Variants in ZC3HAV1 observed in about 807,000 individuals in gnomAD.
ZC3HAV1 encodes zinc finger CCCH-type containing, antiviral 1, also known as zinc finger CCCH-type antiviral protein 1.
A neutral mutation model predicts 86.6 loss-of-function variants in ZC3HAV1; 41 were observed. The observed-to-expected ratio is 0.47, with a 90% confidence interval of 0.37 to 0.61. The LOEUF is 0.61. ZC3HAV1 is among the 20% of genes least tolerant of loss of function. The pLI, the probability that ZC3HAV1 is intolerant of heterozygous loss-of-function variation, is 0.00. For missense variants in ZC3HAV1, 964 were observed against 1,141.1 expected (o/e 0.84, Z 2.24); for synonymous variants, 421 against 432.1 (o/e 0.97, Z 0.32).
chr7:139,056,312 G>A (rs1441558131), intron 9 of ZC3HAV1, among the ~76,000 whole-genome samples: 1 of 151,134 alleles, frequency 6.6e-6, no homozygotes, highest in Non-Finnish European at 1.5e-5. Context: ...CAGCATGCCA[G>A]GTTAATTTTC....
intron 1 of ZC3HAV1, among the ~76,000 whole-genome samples, chr7:139,105,907 C>G (rs1817922209): frequency 6.6e-6 from 1 of 151,560 alleles, no homozygotes; most frequent in Non-Finnish European, 1.5e-5. Context: ...TTTCTAGGAC[C>G]CGAGGACAAA....
In ZC3HAV1 at chr7:139,087,925, G is replaced by C. The variant is rs1479718195; in HGVS notation, c.444+1699C>G. ...TGCATGCCTGTAGTCCCAGATACTTGGGGGGCTTAGGCAGGAGGATAACTT... is the reference window on the plus strand; with the variant it reads ...TGCATGCCTGTAGTCCCAGATACTTCGGGGGCTTAGGCAGGAGGATAACTT... On this transcript the variant is annotated intron_variant, in intron 2 of 12. Coordinates refer to ENST00000242351, the MANE Select transcript of ZC3HAV1 (RefSeq NM_020119.4). Among the ~76,000 whole-genome samples, 5 of 150,710 alleles carry C rather than the reference G, an allele frequency of 3.3e-5. No individual in the cohort carries two copies. The East Asian group carries it at 9.8e-4, about 30-fold the overall frequency.
chr7:139,083,451 G>A (rs1012651407), intron 3 of ZC3HAV1, among the ~76,000 whole-genome samples: 2 of 152,046 alleles, frequency 1.3e-5, no homozygotes, highest in Non-Finnish European at 2.9e-5. Flanking sequence ...ACAATTGGCC[G>A]GGTGCAGTGG....
intron 1 of ZC3HAV1, among the ~76,000 whole-genome samples, chr7:139,090,866 C>A (rs190396449): frequency 2.2e-4 from 33 of 152,094 alleles, no homozygotes; most frequent in Non-Finnish European, 3.2e-4. Context: ...AATAGAGAAC[C>A]AAGGACTCTG....
chr7:139,050,496 T>G (rs1000156805), intron 12 of ZC3HAV1, among the ~76,000 whole-genome samples: 4 of 151,964 alleles, frequency 2.6e-5, no homozygotes, highest in African/African-American at 9.7e-5. Flanking sequence ...GCCTCTCGAG[T>G]AGCTAGGACT....
Position 139,109,079 on chromosome 7 carries a change from G to A in ZC3HAV1, c.253C>T (p.Leu85=). 1 of 1,591,674 alleles carries A rather than the reference G, an allele frequency of 6.3e-7. No individual in the cohort carries two copies. The highest frequency in any genetic ancestry group is 8.6e-7 in the Non-Finnish European group (1 of 1,167,854). Residue 85 remains leucine (L), a synonymous_variant, in exon 1 of 13, where the codon CTG becomes TTG. Coordinates refer to ENST00000242351, the MANE Select transcript of ZC3HAV1 (RefSeq NM_020119.4). ...RKYCQRPCDN[L]HLCKLNLLGR... ...AGCAAGTTGAGTTTGCAGAGATGCA[G>A]GTTATCGCAGGGTCTCTGGCAGTAC...
Position 139,056,543 on chromosome 7 carries a change from T to TAG in ZC3HAV1, c.2097-1249_2097-1248insCT, listed in dbSNP as rs1228037774. On this transcript the variant is annotated intron_variant, in intron 9 of 12. Transcript: ENST00000242351. ...CCTCTTGAGTAGCTGGGACCACAAG[T>TAG]GTGTACCACCACACCTGTCTAACTT... Among the ~76,000 whole-genome samples the TAG allele has an allele frequency of 3.3e-5, 5 of 151,706 alleles. No homozygotes were observed. In the East Asian group the frequency reaches 9.7e-4, roughly 29 times the overall value.
Position 139,078,662 on chromosome 7 carries a change from C to T in ZC3HAV1, c.1472-9G>A. On this transcript the variant is annotated splice_polypyrimidine_tract_variant and intron_variant, in intron 4 of 12. Transcript: ENST00000242351. Reference sequence around the variant, plus strand: ...GACATCAGATAAAGAATCTATGAAACAAAAAAGGATGCATGTATGCTGATC... The same window carrying T: ...GACATCAGATAAAGAATCTATGAAATAAAAAAGGATGCATGTATGCTGATC... 1.3e-6 allele frequency: 2 copies of T among 1,551,784 alleles called. No individual in the cohort carries two copies. Among genetic ancestry groups the T allele is most frequent in the Non-Finnish European group, 8.6e-7 (1 of 1,156,490 alleles).
At chr7:139,068,148 C>A (rs1816663344) in intron 7 of ZC3HAV1, among the ~76,000 whole-genome samples, 1 of 151,604 alleles carries the variant, frequency 6.6e-6, no homozygotes, top group Non-Finnish European at 1.5e-5. Flanking sequence ...CAACCCCCAC[C>A]TCCTGGGTTC....
intron 1 of ZC3HAV1, among the ~76,000 whole-genome samples, chr7:139,091,955 CGCTCAAAGTTCTCCCCGCCCCCGAAG>C: frequency 6.6e-6 from 1 of 152,172 alleles, no homozygotes; most frequent in Non-Finnish European, 1.5e-5. Context: ...AGACGGCTAA[CGCTCAAAGTTCTCCCCGCCCCCGAAG>C]AAGGGGCTAG....
intron 4 of ZC3HAV1, 49 bp downstream of exon 4, chr7:139,079,421 A>G (rs756434605): frequency 2.5e-6 from 4 of 1,613,802 alleles, no homozygotes; most frequent in Non-Finnish European, 3.4e-6. Flanking sequence ...GCCATTTGGT[A>G]TATCATGAAC....
At chr7:139,092,001 T>C (rs1025149917) in intron 1 of ZC3HAV1, among the ~76,000 whole-genome samples, 2 of 152,176 alleles carry the variant, frequency 1.3e-5, no homozygotes, top group Non-Finnish European at 2.9e-5. Context: ...GATTTTCTTT[T>C]ATACTTTGGT....
rs532548397 is a variant in ZC3HAV1 at position 139,078,166 on chromosome 7, G to C, written c.1573+386C>G. Among the ~76,000 whole-genome samples, 10 of 152,310 alleles carry C rather than the reference G, an allele frequency of 6.6e-5. No homozygotes were observed. The South Asian group carries it at 2.1e-3, about 32-fold the overall frequency. ...AGGCAGGAGAATCACTTGAACCCAG[G>C]GGGCAGAGGTTGCAGTGAGCTGAGA... On this transcript the variant is annotated intron_variant, in intron 5 of 12. Transcript: ENST00000242351.
At chr7:139,049,375 G>C (rs1816058107) in intron 12 of ZC3HAV1, 1 of 152,020 alleles carries the variant, frequency 6.6e-6, no homozygotes, top group Non-Finnish European at 1.5e-5. Context: ...TTGGCCATTT[G>C]TATTTCTTCT....
At chr7:139,079,158 C>A in intron 4 of ZC3HAV1, 2 of 1,536,202 alleles carry the variant, frequency 1.3e-6, no homozygotes, top group Middle Eastern at 1.7e-4. Flanking sequence ...GAAACAGGAA[C>A]CTGGGTGCAG....
intron 5 of ZC3HAV1, 118 bp downstream of exon 5, chr7:139,078,433 AT>A: frequency 2.7e-6 from 2 of 732,180 alleles, no homozygotes; most frequent in South Asian, 3.7e-5. Flanking sequence ...TTCTGGGTAT[AT>A]ATCCAAAAGA....
At chr7:139,059,380 G>A (rs1049496281) in intron 9 of ZC3HAV1, among the ~76,000 whole-genome samples, 11 of 152,198 alleles carry the variant, frequency 7.2e-5, no homozygotes, top group African/African-American at 9.7e-5. Flanking sequence ...ACTTTGGGAG[G>A]CTGAGGCAGG....
rs10250457 is a variant in ZC3HAV1, at chr7:139,047,152, C to T, written c.*442G>A. ...GACCAGCCTGGGCAACACAGTGAAA[C>T]CCTGTCTCTACTAAAAAATACAAAA... On this transcript the variant is annotated 3_prime_UTR_variant, in exon 13 of 13. Coordinates refer to ENST00000242351, the MANE Select transcript of ZC3HAV1 (RefSeq NM_020119.4). The T allele has an allele frequency of 0.48, 94,890 of 199,328 alleles. 23,085 individuals carry two copies. Among genetic ancestry groups the T allele is most frequent in the Non-Finnish European group, 0.5 (49,815 of 99,636 alleles). 12.3% of individuals were successfully genotyped at this position (199,328 alleles called of 1,614,324 possible).
chr7:139,093,940 C>A (rs1318895442), intron 1 of ZC3HAV1, among the ~76,000 whole-genome samples: 1 of 152,192 alleles, frequency 6.6e-6, no homozygotes, highest in Non-Finnish European at 1.5e-5. Flanking sequence ...TCTGTCCCAG[C>A]TCCAGGTGCC....
Sources: allele counts gnomAD v4.1 joint callset (sites outside exome capture counted in the v4.1 genomes callset), GRCh38; gene constraint gnomAD v4.1.1; transcripts MANE v1.5; gene names NCBI Gene and HGNC (gene_info 2026-07-23, HGNC 2026-07-21).